MME: variants seen among roughly 807,000 people sequenced by gnomAD.
MME encodes membrane metalloendopeptidase.
In MME, 98 loss-of-function variants were observed where a neutral mutation model predicts 113.2. That is an observed-to-expected ratio of 0.87 (90% CI 0.74 to 1.02). The LOEUF is 1.02. Ranked by LOEUF, MME falls within the 50% of genes least tolerant of loss-of-function variation. MME has a pLI of 0.00. For synonymous variants in MME, 292 were observed against 300.6 expected, an observed-to-expected ratio of 0.97 and a Z score of 0.30; for missense variants, 836 against 896.0, an observed-to-expected ratio of 0.93 and a Z score of 0.86.
At chr3:155,166,604 A>G (rs1183082124) in intron 17 of MME, among the ~76,000 whole-genome samples, 2 of 152,194 alleles carry the variant, frequency 1.3e-5, no homozygotes, top group Non-Finnish European at 2.9e-5. Flanking sequence ...GTGAATCGTG[A>G]TGATAAATCA....
intron 15 of MME, among the ~76,000 whole-genome samples, chr3:155,148,280 T>C (rs1721674348): frequency 1.3e-5 from 2 of 152,168 alleles, no homozygotes; most frequent in South Asian, 4.1e-4. Flanking sequence ...TATGTGAAGA[T>C]TAATGTCATT....
chr3:155,124,317 C>T (rs1178258215), intron 8 of MME, among the ~76,000 whole-genome samples: 1 of 152,038 alleles, frequency 6.6e-6, no homozygotes, highest in South Asian at 2.1e-4. Context: ...GTTATACATT[C>T]TTCTAAATTT....
At chr3:155,072,906 C>T (rs528908613) in intron 1 of MME, among the ~76,000 whole-genome samples, 24 of 152,204 alleles carry the variant, frequency 1.6e-4, no homozygotes, top group Non-Finnish European at 2.8e-4. Context: ...CCTCTCAAAA[C>T]TTTTATTAGC....
At chr3:155,164,250 T>G (rs541894230) in intron 17 of MME, among the ~76,000 whole-genome samples, 2 of 152,222 alleles carry the variant, frequency 1.3e-5, no homozygotes, top group South Asian at 4.2e-4. Flanking sequence ...GCTAGCAGCC[T>G]TCAGAAAATA....
intron 7 of MME, 121 bp downstream of exon 7, chr3:155,117,107 G>A: frequency 1.4e-6 from 1 of 714,530 alleles, no homozygotes; most frequent in Non-Finnish European, 2.5e-6. Context: ...AAGCAAGGAG[G>A]TAGTATATCC....
intron 3 of MME, among the ~76,000 whole-genome samples, chr3:155,109,191 G>T (rs1717954960): frequency 7.8e-6 from 1 of 127,780 alleles, no homozygotes. Context: ...GGTGCTTGTG[G>T]TTCTTGAGAG....
At position 155,140,269 on chromosome 3, in the gene MME, T is replaced by G. The variant is rs748834417; in HGVS notation, c.934T>G (p.Phe312Val). 1.2e-6 allele frequency: 2 copies of G among 1,611,712 alleles called. No individual in the cohort carries two copies. Among genetic ancestry groups the G allele is most frequent in the South Asian group, 2.2e-5 (2 of 91,016 alleles). The change falls in exon 10 of 23, where the codon TTT becomes GTT. Residue 312 changes from phenylalanine (F) to valine (V), a missense_variant. Physicochemically the swap from Phe to Val is conservative, Grantham distance 50. Coordinates refer to ENST00000360490, the MANE Select transcript of MME (RefSeq NM_007289.4). Reference sequence around the variant, plus strand: ...GACATTGGCCCAGATCCAAAATAACTTTTCACTAGAGATCAATGGGAAGGT... The same window carrying G: ...GACATTGGCCCAGATCCAAAATAACGTTTCACTAGAGATCAATGGGAAGGT... ...KMTLAQIQNN[F>V]SLEINGKPFS... is the part of the protein sequence containing the mutation.
At chr3:155,133,621 A>T (rs1235205416) in intron 8 of MME, among the ~76,000 whole-genome samples, 1 of 147,340 alleles carries the variant, frequency 6.8e-6, no homozygotes. Flanking sequence ...ATGTATATAC[A>T]CCATATATAT....
chr3:155,125,007 C>T (rs576340179), intron 8 of MME, among the ~76,000 whole-genome samples: 2,972 of 152,104 alleles, frequency 0.02, 89 homozygotes, highest in African/African-American at 0.067. Flanking sequence ...GGCAGGCGCC[C>T]CTCCCCCAGC....
intron 8 of MME, among the ~76,000 whole-genome samples, chr3:155,127,137 G>T (rs1442032634): frequency 6.6e-6 from 1 of 151,872 alleles, no homozygotes; most frequent in Non-Finnish European, 1.5e-5. Context: ...TTGCATATTA[G>T]TCTGGTCTTG....
At chr3:155,064,978 T>G (rs1714340968) in intron 1 of MME, among the ~76,000 whole-genome samples, 1 of 152,242 alleles carries the variant, frequency 6.6e-6, no homozygotes, top group African/African-American at 2.4e-5. Flanking sequence ...TCTCTGTTTC[T>G]GTGTGTCTTC....
intron 12 of MME, 146 bp downstream of exon 12, chr3:155,142,476 A>G: frequency 1.5e-6 from 1 of 664,820 alleles, no homozygotes. Flanking sequence ...TATTTAGGAC[A>G]TGTTGCTGAG....
At chr3:155,035,531 G>C (rs1273432273) in intron 1 of MME, among the ~76,000 whole-genome samples, 1 of 152,088 alleles carries the variant, frequency 6.6e-6, no homozygotes, top group East Asian at 1.9e-4. Context: ...AGAGATTATG[G>C]AGGGAGTGAT....
At chr3:155,105,957 G>T (rs1458739770) in intron 3 of MME, among the ~76,000 whole-genome samples, 1 of 151,998 alleles carries the variant, frequency 6.6e-6, no homozygotes, top group Non-Finnish European at 1.5e-5. Flanking sequence ...TGGATTCTAG[G>T]TTGATTATTC....
intron 22 of MME, among the ~76,000 whole-genome samples, chr3:155,173,697 G>A (rs1221530831): frequency 6.6e-6 from 1 of 151,788 alleles, no homozygotes; most frequent in South Asian, 2.1e-4. Flanking sequence ...ATTTAGTTCT[G>A]CTAAGATATT....
intron 3 of MME, among the ~76,000 whole-genome samples, chr3:155,101,104 G>A (rs1251113711): frequency 3.3e-5 from 5 of 151,938 alleles, no homozygotes; most frequent in Admixed American, 2.0e-4. Context: ...TCTTCCTCCC[G>A]TTCTTGCCAC....
intron 3 of MME, chr3:155,090,470 TAAC>T (rs1716191403): frequency 6.6e-6 from 1 of 152,136 alleles, no homozygotes; most frequent in African/African-American, 2.4e-5. Context: ...CAAAGATTAA[TAAC>T]AATAATTAAT....
chr3:155,079,866 C>CCG (rs1489624190), upstream of MME: 1 of 152,274 alleles, frequency 6.6e-6, no homozygotes, highest in Non-Finnish European at 1.5e-5. Context: ...AGCCTGGAGC[C>CCG]CGCGCGCCTT....
chr3:155,054,346 G>A (rs1343671856), intron 1 of MME, among the ~76,000 whole-genome samples: 1 of 151,510 alleles, frequency 6.6e-6, no homozygotes, highest in African/African-American at 2.4e-5. Context: ...GATAATTTTG[G>A]AACATTCTTC....
Sources: allele counts gnomAD v4.1 joint callset (sites outside exome capture counted in the v4.1 genomes callset), GRCh38; gene constraint gnomAD v4.1.1; transcripts MANE v1.5; gene names NCBI Gene and HGNC (gene_info 2026-07-23, HGNC 2026-07-21).